Variants in DNAJA3 observed in about 807,000 individuals in gnomAD.
DNAJA3 encodes DnaJ heat shock protein family (Hsp40) member A3.
DNAJA3 carries 29 observed loss-of-function variants against 54.9 expected under a neutral mutation model. That is an observed-to-expected ratio of 0.53 (90% CI 0.39 to 0.72). The LOEUF is 0.72. Ranked by LOEUF, DNAJA3 falls within the 30% of genes least tolerant of loss-of-function variation. The pLI is 0.00. For synonymous variants in DNAJA3, 302 were observed against 251.4 expected, an observed-to-expected ratio of 1.20 and a Z score of -1.90; for missense variants, 708 against 639.4, an observed-to-expected ratio of 1.11 and a Z score of -1.16.
chr16:4,444,446 C>T (rs550027746), intron 6 of DNAJA3, among the ~76,000 whole-genome samples: 1 of 151,020 alleles, frequency 6.6e-6, no homozygotes, highest in East Asian at 2.0e-4. Flanking sequence ...TGGGTTCAAG[C>T]GATTCTCTTT....
In DNAJA3 at chr16:4,450,414, G is replaced by A. The variant is rs769114120; in HGVS notation, c.1256G>A (p.Arg419Gln). Residue 419 changes from arginine (R) to glutamine (Q), a missense_variant, in exon 10 of 12, where the codon CGG becomes CAG. By Grantham distance (43) the Arg-to-Gln change is conservative. Coordinates refer to ENST00000262375, the MANE Select transcript of DNAJA3 (RefSeq NM_005147.6). ...KIRVPKRLTS[R>Q]QQSLILSYAE... is the part of the protein sequence containing the mutation. ...TCGGTCCACAGGAGGCTAACGAGCC[G>A]GCAGCAGAGCCTGATCCTGAGCTAC... The A allele has an allele frequency of 6.2e-6, 10 of 1,609,508 alleles. No individual in the cohort carries two copies. The highest frequency in any genetic ancestry group is 2.7e-5 in the African/African-American group (2 of 74,902).
rs1346582994 is a variant in DNAJA3, at chr16:4,443,080, T to A, written c.847T>A (p.Ser283Thr). Residue 283 changes from serine (S) to threonine (T), a missense_variant, in exon 6 of 12, where the codon TCC (serine) becomes ACC (threonine). Physicochemically the swap from Ser to Thr is moderately conservative, Grantham distance 58. Coordinates refer to ENST00000262375, the MANE Select transcript of DNAJA3 (RefSeq NM_005147.6). The stretch of plus-strand genomic sequence containing the variant: ...GTGTAGGAGATGTGGTGGCCGCGGC[T>A]CCATCATCATATCGCCCTGTGTGGT... ...STCRRCGGRG[S>T]IIISPCVVCR... 1 of 1,613,822 alleles carries A rather than the reference T, an allele frequency of 6.2e-7. No individual in the cohort carries two copies. Among genetic ancestry groups the A allele is most frequent in the East Asian group, 2.2e-5 (1 of 44,842 alleles).
chr16:4,442,498 G>T, intron 5 of DNAJA3, 78 bp downstream of exon 5: 1 of 1,443,656 alleles, frequency 6.9e-7, no homozygotes, highest in South Asian at 1.5e-5. Flanking sequence ...ACTGCTCCCA[G>T]AGAACGTATG....
chr16:4,442,926 AAG>A lies in DNAJA3; in HGVS notation c.784-87_784-86del. On this transcript the variant is annotated intron_variant, in intron 5 of 11. Coordinates refer to ENST00000262375, the MANE Select transcript of DNAJA3 (RefSeq NM_005147.6). ...ACATGCACATAAAAAACAAGCCTTA[AAG>A]AGACATTTTTCTTACGCACATTGTG... The A allele has an allele frequency of 8.2e-6, 12 of 1,466,450 alleles. No individual in the cohort carries two copies. In the South Asian group the frequency reaches 1.5e-4, roughly 19 times the overall value. The allele number at this position is 1,466,450 out of a possible 1,614,324, so 90.8% of individuals were successfully genotyped here. A position where few individuals can be genotyped will look rare whatever the true frequency, so the allele number is the denominator to read the frequency against.
intron 10 of DNAJA3, among the ~76,000 whole-genome samples, chr16:4,450,925 C>T (rs142045693): frequency 2.6e-5 from 4 of 152,320 alleles, no homozygotes; most frequent in African/African-American, 9.6e-5. Context: ...TTCAGAGTGT[C>T]TTAAAACAAC....
At chr16:4,445,471 G>A (rs1311361443) in intron 7 of DNAJA3, among the ~76,000 whole-genome samples, 2 of 152,248 alleles carry the variant, frequency 1.3e-5, no homozygotes, top group Non-Finnish European at 2.9e-5. Flanking sequence ...GTAGAAGCTT[G>A]TAGGAATGAT....
chr16:4,454,433 C>A (rs1159978731), intron 10 of DNAJA3, among the ~76,000 whole-genome samples: 1 of 151,902 alleles, frequency 6.6e-6, no homozygotes, highest in Admixed American at 6.6e-5. Flanking sequence ...TTTGTTTTTT[C>A]ATCTGTGAAA....
At chr16:4,437,381 T>C (rs199508691) in intron 2 of DNAJA3, 21 bp from the exon 3 acceptor site, 4 of 1,607,516 alleles carry the variant, frequency 2.5e-6, no homozygotes, top group East Asian at 2.2e-5. Flanking sequence ...TCTGGAGTAA[T>C]TTATCATGTT....
rs1321553072 is a variant in DNAJA3, at chr16:4,456,149, C to A, written c.*617C>A. ...GGTGCCTGGGAGGCACGTAGAGGCC[C>A]AGAGAGTCCCTGGGGGTTCTGCTCT... On this transcript the variant is annotated 3_prime_UTR_variant, in exon 12 of 12. Coordinates refer to ENST00000262375, the MANE Select transcript of DNAJA3 (RefSeq NM_005147.6). 1 of 155,290 alleles carries A rather than the reference C, an allele frequency of 6.4e-6. No homozygotes were observed. The highest frequency in any genetic ancestry group is 2.4e-5 in the African/African-American group (1 of 41,482). 9.6% of individuals were successfully genotyped at this position (155,290 alleles called of 1,614,324 possible).
chr16:4,455,362 G>T, intron 11 of DNAJA3, 184 bp from the exon 12 acceptor site: 1 of 661,294 alleles, frequency 1.5e-6, no homozygotes. Context: ...GGCTGCTCCA[G>T]GGGTAGCGCT....
chr16:4,443,024 T>A lies in DNAJA3; in HGVS notation c.791T>A (p.Ile264Asn), dbSNP rs145461712. Reference protein sequence around the residue: ...HYCGGSGMETINTGPFVMRST... With the variant: ...HYCGGSGMETNNTGPFVMRST... ...TTTTCTTGTTTTTATCAGGAAACCATCAACACAGGCCCTTTTGTGATGCGT... is the reference window on the plus strand; with the variant it reads ...TTTTCTTGTTTTTATCAGGAAACCAACAACACAGGCCCTTTTGTGATGCGT... The change falls in exon 6 of 12, where the codon ATC becomes AAC. Residue 264 changes from isoleucine to asparagine, a missense_variant. Ile to Asn is a moderately radical substitution (Grantham distance 149). Transcript: ENST00000262375. The A allele has an allele frequency of 1.6e-4, 258 of 1,613,474 alleles. No individual in the cohort carries two copies. The highest frequency in any genetic ancestry group is 1.7e-4 in the Non-Finnish European group (200 of 1,179,758).
chr16:4,425,943 C>G lies in DNAJA3; in HGVS notation c.62C>G (p.Ala21Gly), dbSNP rs771681178. ...LVVVGTPRLP[A>G]ISGRGARPPR... ...GTTGTGGGGACCCCGCGGCTGCCGG[C>G]TATATCGGGTAGAGGGGCCCGGCCG... is the stretch of plus-strand genomic sequence containing the variant. Residue 21 changes from alanine (A) to glycine (G), a missense_variant, in exon 1 of 12, where the codon GCT (alanine) becomes GGT (glycine). Transcript: ENST00000262375. 3.2e-6 allele frequency: 5 copies of G among 1,563,002 alleles called. No individual in the cohort carries two copies. In the South Asian group the frequency reaches 4.7e-5, roughly 15 times the overall value.
At chr16:4,441,675 T>A in intron 4 of DNAJA3, 100 bp downstream of exon 4, 2 of 1,231,544 alleles carry the variant, frequency 1.6e-6, no homozygotes, top group Non-Finnish European at 2.3e-6. Context: ...CAAGGCAGCT[T>A]AAATGGAGTG....
intron 1 of DNAJA3, among the ~76,000 whole-genome samples, chr16:4,427,699 G>A (rs1381211062): frequency 6.6e-6 from 1 of 152,134 alleles, no homozygotes; most frequent in Non-Finnish European, 1.5e-5. Context: ...TTTAAGACAG[G>A]GCCTCCTGTT....
At chr16:4,426,611 T>C (rs892886910) in intron 1 of DNAJA3, among the ~76,000 whole-genome samples, 1 of 152,242 alleles carries the variant, frequency 6.6e-6, no homozygotes, top group African/African-American at 2.4e-5. Flanking sequence ...TAGTTTACGC[T>C]CTTTCTACCA....
At chr16:4,451,104 C>T (rs559367144) in intron 10 of DNAJA3, among the ~76,000 whole-genome samples, 8 of 152,264 alleles carry the variant, frequency 5.3e-5, no homozygotes, top group Admixed American at 2.6e-4. Context: ...CTGCTGTGGG[C>T]GCTGAGACAA....
intron 9 of DNAJA3, 162 bp from the exon 10 acceptor site, chr16:4,450,238 G>A: frequency 1.8e-6 from 1 of 566,092 alleles, no homozygotes. Context: ...AGCTTTGAGG[G>A]CATGGTCCTT....
chr16:4,434,362 T>G (rs1341106740), intron 1 of DNAJA3, 22 bp from the exon 2 acceptor site: 2 of 1,610,402 alleles, frequency 1.2e-6, no homozygotes, highest in South Asian at 1.1e-5. Flanking sequence ...CAGAGTGATT[T>G]TCTTTGTTTT....
intron 1 of DNAJA3, chr16:4,426,908 T>C (rs1390940915): frequency 6.6e-6 from 1 of 152,076 alleles, no homozygotes; most frequent in African/African-American, 2.4e-5. Context: ...AGTCATGTTT[T>C]CTTTTCTTTT....
Sources: allele counts gnomAD v4.1 joint callset (sites outside exome capture counted in the v4.1 genomes callset), GRCh38; gene constraint gnomAD v4.1.1; transcripts MANE v1.5; gene names NCBI Gene and HGNC (gene_info 2026-07-23, HGNC 2026-07-21).